Variants in ACOXL observed in about 807,000 individuals in gnomAD.
ACOXL encodes the protein acyl-coenzyme A oxidase-like protein.
In ACOXL, 70 loss-of-function variants were observed where a neutral mutation model predicts 71.9. The ratio of observed to expected loss-of-function variants is 0.97; its 90% CI spans 0.80 to 1.19. The LOEUF (loss-of-function observed/expected upper bound fraction) is 1.19, where lower values mean the gene tolerates loss of function less well. Ranked by LOEUF, ACOXL falls within the 50% of genes most tolerant of loss-of-function variation. The pLI is 0.00. For missense variants in ACOXL, 703 were observed against 736.3 expected, an observed-to-expected ratio of 0.95 and a Z score of 0.52; for synonymous variants, 253 against 281.6, an observed-to-expected ratio of 0.90 and a Z score of 1.02.
Position 111,082,324 on chromosome 2 carries a change from G to GA in ACOXL, c.1441-10530dup, listed in dbSNP as rs1045536895. Among the ~76,000 whole-genome samples, 1,323 of 137,806 alleles carry GA rather than the reference G, an allele frequency of 9.6e-3. 12 individuals carry two copies. Among genetic ancestry groups the GA allele is most frequent in the African/African-American group, 0.031 (1,182 of 37,652 alleles). The allele number at this position is 137,806 out of a possible 152,430, so 90.4% of individuals were successfully genotyped here. ...ACAAAGAACTTAAACAAATTTACAAGAAAAAAAAAAAGAAACAACCCCATC... is the reference window on the plus strand; with the variant it reads ...ACAAAGAACTTAAACAAATTTACAAGAAAAAAAAAAAAGAAACAACCCCATC... On this transcript the variant is annotated intron_variant, in intron 16 of 17. Transcript: ENST00000439055.
chr2:110,960,238 A>G (rs895156438), intron 12 of ACOXL, among the ~76,000 whole-genome samples: 7 of 152,366 alleles, frequency 4.6e-5, no homozygotes, highest in Non-Finnish European at 8.8e-5. Context: ...AGCAAGGTTC[A>G]GGGAAACCTC....
intron 1 of ACOXL, among the ~76,000 whole-genome samples, chr2:110,762,335 T>G (rs573453881): frequency 6.9e-4 from 105 of 152,276 alleles, no homozygotes; most frequent in African/African-American, 2.5e-3. Flanking sequence ...CCATTTACAT[T>G]TAGGGTAATT....
chr2:111,002,505 T>C (rs1249443857), intron 14 of ACOXL, among the ~76,000 whole-genome samples: 1 of 152,240 alleles, frequency 6.6e-6, no homozygotes. Context: ...GATGCTTCTG[T>C]GTTTTTAGTT....
intron 2 of ACOXL, 79 bp from the exon 3 acceptor site, chr2:110,784,653 C>A: frequency 9.6e-7 from 1 of 1,044,386 alleles, no homozygotes; most frequent in Non-Finnish European, 1.4e-6. Flanking sequence ...AAGTAACATG[C>A]ATTTCTTATA....
intron 16 of ACOXL, among the ~76,000 whole-genome samples, chr2:111,083,651 A>C (rs1477140169): frequency 6.6e-6 from 1 of 151,688 alleles, no homozygotes; most frequent in African/African-American, 2.4e-5. Context: ...TCGCACAACT[A>C]CCCCAGAGGT....
At chr2:110,863,887 G>C (rs1163724597) in intron 10 of ACOXL, among the ~76,000 whole-genome samples, 9 of 152,148 alleles carry the variant, frequency 5.9e-5, no homozygotes. Flanking sequence ...GCAAATACAG[G>C]CATTACTGCT....
chr2:110,882,359 G>A (rs959945931), intron 10 of ACOXL, among the ~76,000 whole-genome samples: 1 of 152,088 alleles, frequency 6.6e-6, no homozygotes, highest in Non-Finnish European at 1.5e-5. Flanking sequence ...TATATATTTT[G>A]AATACAAGTG....
At chr2:110,903,096 C>T (rs1393649885) in intron 10 of ACOXL, among the ~76,000 whole-genome samples, 1 of 152,192 alleles carries the variant, frequency 6.6e-6, no homozygotes, top group Non-Finnish European at 1.5e-5. Context: ...CAGGGTGAGG[C>T]TTAGCCCCAA....
intron 15 of ACOXL, chr2:111,037,019 A>G (rs1157440083): frequency 1.3e-5 from 2 of 152,218 alleles, no homozygotes; most frequent in African/African-American, 4.8e-5. Flanking sequence ...AGTGGATTTT[A>G]ATTTCATGGC....
intron 10 of ACOXL, among the ~76,000 whole-genome samples, chr2:110,905,628 T>TA (rs2059411770): frequency 6.6e-6 from 1 of 152,094 alleles, no homozygotes; most frequent in Non-Finnish European, 1.5e-5. Flanking sequence ...GCAATGTGGC[T>TA]AAAAACTCAG....
At chr2:111,066,534 C>A (rs988397393) in intron 16 of ACOXL, among the ~76,000 whole-genome samples, 1 of 151,906 alleles carries the variant, frequency 6.6e-6, no homozygotes, top group Admixed American at 6.6e-5. Context: ...TACCATTGGG[C>A]GAAACTGGGT....
At chr2:111,052,336 T>C (rs2066330835) in intron 16 of ACOXL, among the ~76,000 whole-genome samples, 1 of 152,068 alleles carries the variant, frequency 6.6e-6, no homozygotes, top group Admixed American at 6.5e-5. Flanking sequence ...GTGACTGCAG[T>C]GGAACCATGA....
chr2:110,738,166 G>C (rs937980111), intron 1 of ACOXL, among the ~76,000 whole-genome samples: 8 of 152,204 alleles, frequency 5.3e-5, no homozygotes, highest in African/African-American at 1.7e-4. Context: ...TGCATAGAGA[G>C]AGGTAAAGAG....
intron 10 of ACOXL, among the ~76,000 whole-genome samples, chr2:110,878,974 T>C (rs1262676181): frequency 3.3e-5 from 5 of 151,540 alleles, no homozygotes; most frequent in Non-Finnish European, 4.4e-5. Flanking sequence ...AGAGAATTGC[T>C]TCATCCCGGG....
At chr2:110,755,906 T>TA (rs151151259) in intron 1 of ACOXL, among the ~76,000 whole-genome samples, 3,631 of 151,926 alleles carry the variant, frequency 0.024, 70 homozygotes, top group East Asian at 0.057. Context: ...TTAAAGAAAT[T>TA]AAAAAAAATA....
intron 15 of ACOXL, among the ~76,000 whole-genome samples, chr2:111,034,757 C>T (rs960982408): frequency 1.3e-5 from 2 of 152,168 alleles, no homozygotes; most frequent in Admixed American, 6.5e-5. Flanking sequence ...CGTATCATTA[C>T]ATTCAAATAG....
intron 10 of ACOXL, among the ~76,000 whole-genome samples, chr2:110,898,004 AAAT>A (rs2059082526): frequency 6.6e-6 from 1 of 152,182 alleles, no homozygotes; most frequent in African/African-American, 2.4e-5. Flanking sequence ...AGTAAAGAAT[AAAT>A]TCGTTAAAAA....
intron 12 of ACOXL, among the ~76,000 whole-genome samples, chr2:110,960,666 GT>G (rs34129486): frequency 0.47 from 66,589 of 141,338 alleles, 15,672 homozygotes; most frequent in Non-Finnish European, 0.51. Context: ...TTTCTTTTGG[GT>G]TTTTTTTTTT....
At chr2:111,009,063 C>T (rs537635971) in intron 14 of ACOXL, among the ~76,000 whole-genome samples, 6 of 152,172 alleles carry the variant, frequency 3.9e-5, no homozygotes, top group South Asian at 2.1e-4. Context: ...TCATGTTTGC[C>T]GTGCAAACTT....
Sources: allele counts gnomAD v4.1 joint callset (sites outside exome capture counted in the v4.1 genomes callset), GRCh38; gene constraint gnomAD v4.1.1; transcripts MANE v1.5; gene names NCBI Gene and HGNC (gene_info 2026-07-23, HGNC 2026-07-21).